The following BTRC variants were observed in gnomAD, a reference collection of about 807,000 sequenced individuals.
The protein encoded by BTRC is F-box/WD repeat-containing protein 1A.
BTRC carries 42 observed loss-of-function variants against 85.5 expected under a neutral mutation model. That is an observed-to-expected ratio of 0.49 (90% CI 0.38 to 0.64). The LOEUF (loss-of-function observed/expected upper bound fraction) is 0.64. BTRC is among the 30% of genes least tolerant of loss of function. BTRC has a pLI of 0.00. For synonymous variants in BTRC, 255 were observed against 263.3 expected (o/e 0.97, Z 0.30); for missense variants, 594 against 743.5 (o/e 0.80, Z 2.34).
chr10:101,405,454 T>TA (rs1164291456), intron 1 of BTRC, among the ~76,000 whole-genome samples: 1 of 152,208 alleles, frequency 6.6e-6, no homozygotes, highest in Non-Finnish European at 1.5e-5. Context: ...CTCTGAGTGT[T>TA]ACGATACTCC....
rs6584429 is a variant in BTRC at position 101,521,877 on chromosome 10, C to G, written c.556+7C>G. ...TTCATAACTGCTCTGCCAGGTATGT[C>G]TACAAGTGTTTGTAAACCATTAATT... On this transcript the variant is annotated splice_region_variant and intron_variant, in intron 5 of 14. Coordinates refer to ENST00000370187, the MANE Select transcript of BTRC (RefSeq NM_033637.4). The G allele has an allele frequency of 0.22, 339,873 of 1,580,108 alleles. 45,652 individuals are homozygous for G. Among genetic ancestry groups the G allele is most frequent in the East Asian group, 0.58 (25,825 of 44,630 alleles).
At chr10:101,502,546 G>A (rs1204456000) in intron 4 of BTRC, among the ~76,000 whole-genome samples, 1 of 151,954 alleles carries the variant, frequency 6.6e-6, no homozygotes, top group Non-Finnish European at 1.5e-5. Context: ...GTTTTACTTT[G>A]GTTCTTAAAT....
intron 1 of BTRC, among the ~76,000 whole-genome samples, chr10:101,412,712 G>C (rs1943815648): frequency 6.6e-6 from 1 of 152,156 alleles, no homozygotes; most frequent in Admixed American, 6.5e-5. Flanking sequence ...TATTAACTAT[G>C]AGTAACTATG....
intron 2 of BTRC, among the ~76,000 whole-genome samples, chr10:101,443,657 C>G (rs900859662): frequency 6.6e-6 from 1 of 152,032 alleles, no homozygotes; most frequent in Non-Finnish European, 1.5e-5. Flanking sequence ...TTTGAATATG[C>G]CATTATTTTG....
rs567990149 is a variant in BTRC at position 101,384,528 on chromosome 10, CTG to C, written c.48+30306_48+30307del. Among the ~76,000 whole-genome samples the C allele has an allele frequency of 3.3e-4, 50 of 152,204 alleles. 1 individual carries two copies. In the East Asian group the frequency reaches 8.3e-3, roughly 25 times the overall value. On this transcript the variant is annotated intron_variant, in intron 1 of 14. Transcript: ENST00000370187. ...AAATTATAGTTCTAGTTAGTAAGTT[CTG>C]TGTGTTTTTTTAAAGTGTGTATTTA...
intron 1 of BTRC, among the ~76,000 whole-genome samples, chr10:101,377,072 C>G (rs1305584103): frequency 6.6e-6 from 1 of 152,160 alleles, no homozygotes; most frequent in African/African-American, 2.4e-5. Flanking sequence ...AACTCTTATA[C>G]TCTTCCTCCA....
intron 9 of BTRC, among the ~76,000 whole-genome samples, chr10:101,534,150 A>G (rs1265202419): frequency 2.0e-5 from 3 of 152,130 alleles, no homozygotes; most frequent in East Asian, 1.9e-4. Flanking sequence ...TTAAACCCCT[A>G]CCCACTTCAG....
At chr10:101,538,826 T>C (rs1427782311) in intron 13 of BTRC, among the ~76,000 whole-genome samples, 1 of 152,006 alleles carries the variant, frequency 6.6e-6, no homozygotes, top group Non-Finnish European at 1.5e-5. Context: ...GGCAGATGGA[T>C]CACCTGAGAT....
intron 14 of BTRC, among the ~76,000 whole-genome samples, chr10:101,552,817 AG>A (rs2062672745): frequency 6.6e-6 from 1 of 152,118 alleles, no homozygotes; most frequent in African/African-American, 2.4e-5. Flanking sequence ...CTCAAAAGGC[AG>A]GGCCCACAGA....
intron 1 of BTRC, among the ~76,000 whole-genome samples, chr10:101,399,169 G>A (rs1396701212): frequency 6.6e-6 from 1 of 152,046 alleles, no homozygotes; most frequent in Non-Finnish European, 1.5e-5. Context: ...TGGCCAAGCT[G>A]GTCTTGAATT....
rs377191200 is a variant in BTRC, at chr10:101,556,507, T to C, written c.*3384T>C. The C allele has an allele frequency of 3.3e-5, 5 of 152,406 alleles. No individual in the cohort carries two copies. The East Asian group carries it at 7.7e-4, about 24-fold the overall frequency. The allele number at this position is 152,406 out of a possible 1,614,324, so 9.4% of individuals were successfully genotyped here. A position where few individuals can be genotyped will look rare whatever the true frequency, so the allele number is the denominator to read the frequency against. The stretch of plus-strand genomic sequence containing the variant: ...TGTAGCAGAGCAGTCCAACCCAGAT[T>C]AGTGCAGCCCGGAGGCTTAGGGTGC... On this transcript the variant is annotated 3_prime_UTR_variant, in exon 15 of 15. Coordinates refer to ENST00000370187, the MANE Select transcript of BTRC (RefSeq NM_033637.4).
At chr10:101,522,381 A>AC (rs1184268346) in intron 5 of BTRC, among the ~76,000 whole-genome samples, 1 of 137,022 alleles carries the variant, frequency 7.3e-6, no homozygotes, top group Non-Finnish European at 1.6e-5. Context: ...AAAAAACAAA[A>AC]AAAAAAAAAC....
chr10:101,453,787 A>G (rs1186069193), intron 2 of BTRC, among the ~76,000 whole-genome samples: 2 of 152,184 alleles, frequency 1.3e-5, no homozygotes, highest in Non-Finnish European at 2.9e-5. Context: ...TGGACAGTCA[A>G]AAATACAAAC....
At chr10:101,532,785 TGTGTGCGCGTGTGCGC>T (rs1274084478) in intron 8 of BTRC, among the ~76,000 whole-genome samples, 151 bp from the exon 9 acceptor site, 5 of 34,296 alleles carry the variant, frequency 1.5e-4, no homozygotes, top group African/African-American at 1.1e-3. Flanking sequence ...TGTGTGTGTG[TGTGTGCGCGTGTGCGC>T]GCGCGCGCGC....
At chr10:101,414,594 C>G (rs1297758675) in intron 1 of BTRC, 3 of 508,762 alleles carry the variant, frequency 5.9e-6, no homozygotes, top group Admixed American at 2.0e-5. Flanking sequence ...AGGAGGTATT[C>G]CAGAAAAAGG....
intron 3 of BTRC, among the ~76,000 whole-genome samples, chr10:101,468,817 A>G (rs1251073848): frequency 6.6e-6 from 1 of 152,226 alleles, no homozygotes; most frequent in East Asian, 1.9e-4. Context: ...AAATAAGGGC[A>G]AGTCTGGCAA....
At chr10:101,519,484 G>A (rs1478518572) in intron 4 of BTRC, among the ~76,000 whole-genome samples, 1 of 152,148 alleles carries the variant, frequency 6.6e-6, no homozygotes, top group Non-Finnish European at 1.5e-5. Context: ...TCAGCAGCTA[G>A]AGACTGACCA....
chr10:101,520,331 G>A (rs1478695554), intron 4 of BTRC, among the ~76,000 whole-genome samples: 1 of 151,950 alleles, frequency 6.6e-6, no homozygotes, highest in East Asian at 2.0e-4. Flanking sequence ...GGGATTACAG[G>A]TATAAGCTAC....
intron 1 of BTRC, among the ~76,000 whole-genome samples, chr10:101,366,333 G>T (rs1025528559): frequency 1.3e-5 from 2 of 152,020 alleles, no homozygotes; most frequent in Non-Finnish European, 2.9e-5. Context: ...GGGGGCAGAG[G>T]GGGGTGAAGA....
Sources: gnomAD v4.1 joint callset for allele counts (sites outside exome capture counted in the v4.1 genomes callset) on GRCh38, gnomAD v4.1.1 for gene constraint, MANE v1.5 for transcripts, NCBI Gene and HGNC (gene_info 2026-07-23, HGNC 2026-07-21) for gene names.